The following ERC2 variants were observed in gnomAD, a reference collection of about 807,000 sequenced individuals.
The protein encoded by ERC2 is ELKS/RAB6-interacting/CAST family member 2.
A neutral mutation model predicts 114.8 loss-of-function variants in ERC2; 42 were observed. That is an observed-to-expected ratio of 0.37 (90% CI 0.29 to 0.47). ERC2 has a LOEUF of 0.47. Among genes scored for constraint, ERC2 ranks in the 20% least tolerant of loss-of-function variants. ERC2 has a pLI of 0.99. For synonymous variants in ERC2, 454 were observed against 425.5 expected, an observed-to-expected ratio of 1.07 and a Z score of -0.82; for missense variants, 939 against 1,150.7, an observed-to-expected ratio of 0.82 and a Z score of 2.66.
At chr3:55,768,072 T>A (rs753044976) in intron 14 of ERC2, among the ~76,000 whole-genome samples, 1 of 152,182 alleles carries the variant, frequency 6.6e-6, no homozygotes, top group Non-Finnish European at 1.5e-5. Flanking sequence ...TTTCTGGCCA[T>A]GTAAGATGTG....
intron 6 of ERC2, among the ~76,000 whole-genome samples, chr3:56,116,616 A>G (rs1430493880): frequency 6.6e-6 from 1 of 152,118 alleles, no homozygotes; most frequent in Non-Finnish European, 1.5e-5. Flanking sequence ...ACACAACATC[A>G]TGAGGGATTC....
intron 14 of ERC2, among the ~76,000 whole-genome samples, chr3:55,793,716 C>T (rs780586884): frequency 9.2e-5 from 14 of 152,246 alleles, no homozygotes; most frequent in Admixed American, 2.6e-4. Flanking sequence ...ACTTCACTTC[C>T]TATGAAAAAT....
At chr3:55,623,491 C>T (rs922697945) in intron 17 of ERC2, among the ~76,000 whole-genome samples, 7 of 152,266 alleles carry the variant, frequency 4.6e-5, no homozygotes, top group African/African-American at 7.2e-5. Flanking sequence ...TGGTTCTCTT[C>T]GCCCTCTTGC....
At chr3:56,003,981 T>C (rs1313152978) in intron 10 of ERC2, among the ~76,000 whole-genome samples, 6 of 152,066 alleles carry the variant, frequency 3.9e-5, no homozygotes, top group Admixed American at 3.3e-4. Flanking sequence ...GGGTGAAATA[T>C]TGTAGAAACT....
intron 12 of ERC2, among the ~76,000 whole-genome samples, chr3:55,967,281 G>A (rs1333357006): frequency 6.6e-6 from 1 of 152,024 alleles, no homozygotes; most frequent in African/African-American, 2.4e-5. Context: ...TATACTAGTA[G>A]GTAATAAGTC....
intron 3 of ERC2, among the ~76,000 whole-genome samples, chr3:56,227,156 T>A (rs2050300078): frequency 6.6e-6 from 1 of 152,084 alleles, no homozygotes. Context: ...TTCCTCCTCT[T>A]GTCCCATAGA....
At chr3:55,821,051 C>G (rs2149154714) in intron 14 of ERC2, among the ~76,000 whole-genome samples, 1 of 152,070 alleles carries the variant, frequency 6.6e-6, no homozygotes, top group Non-Finnish European at 1.5e-5. Flanking sequence ...ATGAAGGGTG[C>G]TAGAGCGTGT....
chr3:55,628,839 T>G (rs1371620525), intron 17 of ERC2, among the ~76,000 whole-genome samples: 1 of 152,216 alleles, frequency 6.6e-6, no homozygotes, highest in South Asian at 2.1e-4. Context: ...AAGAACAAGT[T>G]GTAGATTTGA....
rs149220809 is a variant in ERC2 at position 56,032,858 on chromosome 3, G to GGAAAGAAAGAAA, written c.1642-13839_1642-13828dup. 6.1e-4 allele frequency among the ~76,000 whole-genome samples: 42 copies of GGAAAGAAAGAAA among 68,994 alleles called. 1 individual carries two copies. The highest frequency in any genetic ancestry group is 1.5e-3 in the African/African-American group (35 of 22,652). The allele number at this position is 68,994 out of a possible 152,430, so 45.3% of individuals were successfully genotyped here. Reference sequence around the variant, plus strand: ...CTGTTGGAAGAACAAAAGAAAGAAAGGAAAGAAAGAAAGAAAGAAAGAAAG... The same window carrying GGAAAGAAAGAAA: ...CTGTTGGAAGAACAAAAGAAAGAAAGGAAAGAAAGAAAGAAAGAAAGAAAGAAAGAAAGAAAG... On this transcript the variant is annotated intron_variant, in intron 7 of 17. Transcript: ENST00000288221.
At chr3:55,633,483 G>C (rs539562109) in intron 17 of ERC2, among the ~76,000 whole-genome samples, 1 of 152,130 alleles carries the variant, frequency 6.6e-6, no homozygotes, top group Non-Finnish European at 1.5e-5. Context: ...GAAAAACACT[G>C]AGTGGCATAT....
intron 13 of ERC2, among the ~76,000 whole-genome samples, chr3:55,896,840 A>G (rs1423770192): frequency 6.6e-6 from 1 of 152,228 alleles, no homozygotes; most frequent in Non-Finnish European, 1.5e-5. Flanking sequence ...ACAAAAAAAG[A>G]AAAAACCCTG....
At chr3:56,130,721 A>T (rs1007516939) in intron 6 of ERC2, among the ~76,000 whole-genome samples, 1 of 152,156 alleles carries the variant, frequency 6.6e-6, no homozygotes, top group Non-Finnish European at 1.5e-5. Flanking sequence ...ATCACATTTC[A>T]ATTTCTCCAT....
At chr3:56,391,716 T>A (rs185609288) in intron 2 of ERC2, among the ~76,000 whole-genome samples, 5 of 151,960 alleles carry the variant, frequency 3.3e-5, no homozygotes, top group African/African-American at 1.2e-4. Context: ...GATGGGAGAG[T>A]ATACTGATAA....
chr3:55,942,106 A>C (rs2066831266), intron 13 of ERC2, among the ~76,000 whole-genome samples: 1 of 152,096 alleles, frequency 6.6e-6, no homozygotes, highest in African/African-American at 2.4e-5. Context: ...AGTGGGTTGC[A>C]CAAATGGCAC....
At chr3:56,120,160 A>G (rs1021748055) in intron 6 of ERC2, among the ~76,000 whole-genome samples, 11 of 152,182 alleles carry the variant, frequency 7.2e-5, no homozygotes, top group Non-Finnish European at 1.0e-4. Flanking sequence ...GATTCTACCC[A>G]AAAGTCTGGA....
At position 55,515,946 on chromosome 3, in the gene ERC2, A is replaced by G. The variant is rs2052468739; in HGVS notation, c.*40-4670T>C. On this transcript the variant is annotated intron_variant, in intron 17 of 17. Transcript: ENST00000288221. ...GAGGGGTTAAAGGGGAAACTGTTTA[A>G]TAACAGTAGTAAAACGCAGGCTATT... Among the ~76,000 whole-genome samples the G allele has an allele frequency of 2.0e-5, 3 of 152,342 alleles. No homozygotes were observed. In the South Asian group the frequency reaches 6.2e-4, roughly 32 times the overall value.
intron 13 of ERC2, among the ~76,000 whole-genome samples, chr3:55,939,622 G>A (rs1192227180): frequency 2.6e-5 from 4 of 152,148 alleles, no homozygotes; most frequent in African/African-American, 9.7e-5. Context: ...TGTGAAATGT[G>A]AATCTAGATT....
intron 17 of ERC2, among the ~76,000 whole-genome samples, chr3:55,590,615 G>A (rs1352741295): frequency 6.6e-6 from 1 of 152,208 alleles, no homozygotes; most frequent in African/African-American, 2.4e-5. Context: ...ACAGTATCAA[G>A]CCAACTGCAA....
chr3:56,436,636 G>A (rs60170546), intron 1 of ERC2, among the ~76,000 whole-genome samples: 7,542 of 152,096 alleles, frequency 0.05, 471 homozygotes, highest in African/African-American at 0.15. Context: ...CATGACCCAC[G>A]CCTGGCCAAC....
Sources: allele counts gnomAD v4.1 joint callset (sites outside exome capture counted in the v4.1 genomes callset), GRCh38; gene constraint gnomAD v4.1.1; transcripts MANE v1.5; gene names NCBI Gene and HGNC (gene_info 2026-07-23, HGNC 2026-07-21).